AXDND1: variants seen among roughly 807,000 people sequenced by gnomAD.
The protein encoded by AXDND1 is axonemal dynein light chain domain-containing protein 1.
AXDND1 carries 110 observed loss-of-function variants against 137.5 expected under a neutral mutation model. The observed-to-expected ratio is 0.80, with a 90% CI of 0.69 to 0.94. The LOEUF (loss-of-function observed/expected upper bound fraction) is 0.94, where lower values mean the gene tolerates loss of function less well. Ranked by LOEUF, AXDND1 falls within the 40% of genes least tolerant of loss-of-function variation. The probability of loss-of-function intolerance (pLI) is 0.00; values close to 1 mark genes in which losing one functional copy is unlikely to be tolerated. For synonymous variants in AXDND1, 414 were observed against 399.7 expected (o/e 1.04, Z -0.43); for missense variants, 1,191 against 1,169.8 (o/e 1.02, Z -0.26).
intron 16 of AXDND1, chr1:179,449,413 T>C (rs1472030762): frequency 1.2e-5 from 2 of 168,496 alleles, no homozygotes; most frequent in Non-Finnish European, 2.6e-5. Context: ...ATTGTCTTGA[T>C]TACTCTTGCT....
intron 24 of AXDND1, 143 bp downstream of exon 24, chr1:179,534,020 G>T: frequency 3.1e-6 from 2 of 635,156 alleles, no homozygotes; most frequent in Non-Finnish European, 5.6e-6. Context: ...CACATGTTCT[G>T]CTAGAGGCAG....
At chr1:179,419,933 C>A (rs1305648983) in intron 12 of AXDND1, among the ~76,000 whole-genome samples, 1 of 152,012 alleles carries the variant, frequency 6.6e-6, no homozygotes, top group Non-Finnish European at 1.5e-5. Flanking sequence ...AATTTAGATG[C>A]CTTTTATTTC....
intron 16 of AXDND1, chr1:179,447,512 T>A: frequency 2.1e-6 from 1 of 483,860 alleles, no homozygotes; most frequent in East Asian, 2.9e-5. Flanking sequence ...ATTCTACAGT[T>A]GGCGCAGAAA....
At chr1:179,527,565 C>T (rs1336050117) in intron 22 of AXDND1, among the ~76,000 whole-genome samples, 1 of 152,094 alleles carries the variant, frequency 6.6e-6, no homozygotes, top group Non-Finnish European at 1.5e-5. Flanking sequence ...ATACTAATAG[C>T]CTGTCACAAG....
intron 16 of AXDND1, among the ~76,000 whole-genome samples, chr1:179,464,713 C>G (rs546137235): frequency 6.6e-6 from 1 of 152,280 alleles, no homozygotes; most frequent in East Asian, 1.9e-4. Flanking sequence ...AGAGTGTTTT[C>G]CAACTTGGTT....
chr1:179,509,450 A>G (rs757724603), intron 21 of AXDND1, 47 bp downstream of exon 21: 2 of 1,216,030 alleles, frequency 1.6e-6, no homozygotes, highest in African/African-American at 3.0e-5. Flanking sequence ...TTATTCCTGT[A>G]TTTCAGTACA....
chr1:179,383,687 A>G lies in AXDND1; in HGVS notation c.741+143A>G, dbSNP rs542099757. On this transcript the variant is annotated intron_variant, in intron 8 of 25. Coordinates refer to ENST00000367618, the MANE Select transcript of AXDND1 (RefSeq NM_144696.6). The stretch of plus-strand genomic sequence containing the variant: ...AATGTATTTGTACCTCAGTTTCCTC[A>G]TCTGAACTTTGGAGATAATAATATC... 4.8e-5 allele frequency: 29 copies of G among 608,958 alleles called. No homozygotes were observed. In the East Asian group the frequency reaches 6.9e-4, roughly 15 times the overall value. The allele number at this position is 608,958 out of a possible 1,614,324, so 37.7% of individuals were successfully genotyped here.
intron 23 of AXDND1, 47 bp from the exon 24 acceptor site, chr1:179,533,748 A>G: frequency 1.4e-6 from 2 of 1,415,814 alleles, no homozygotes; most frequent in East Asian, 2.3e-5. Flanking sequence ...TAGAATACTA[A>G]TTGTTGAGAC....
intron 12 of AXDND1, among the ~76,000 whole-genome samples, 173 bp from the exon 13 acceptor site, chr1:179,429,345 T>C (rs1657049119): frequency 6.6e-6 from 1 of 152,176 alleles, no homozygotes; most frequent in African/African-American, 2.4e-5. Context: ...TATACTTCAG[T>C]TTGGTTCCAG....
intron 22 of AXDND1, among the ~76,000 whole-genome samples, chr1:179,527,754 A>G (rs764762198): frequency 1.4e-4 from 22 of 152,246 alleles, no homozygotes; most frequent in Non-Finnish European, 2.5e-4. Flanking sequence ...CTCACCCTGA[A>G]TTTTATCCTG....
chr1:179,456,839 C>T, intron 16 of AXDND1: 2 of 808,350 alleles, frequency 2.5e-6, no homozygotes, highest in South Asian at 2.7e-5. Flanking sequence ...TCACAGTATG[C>T]TATTTCTGAA....
chr1:179,488,881 C>T lies in AXDND1; in HGVS notation c.2092-2657C>T, dbSNP rs1026742479. ...TCCCAAGTAGCTGGAATTACAGGCG[C>T]GTGCCACCACACCAGGCCAATTTTT... On this transcript the variant is annotated intron_variant, in intron 18 of 25. Coordinates refer to ENST00000367618, the MANE Select transcript of AXDND1 (RefSeq NM_144696.6). 3.2e-4 allele frequency among the ~76,000 whole-genome samples: 46 copies of T among 145,530 alleles called. 1 individual carries two copies. Among genetic ancestry groups the T allele is most frequent in the Middle Eastern group, 3.4e-3 (1 of 290 alleles).
At chr1:179,434,130 TTTG>T (rs1657790049) in intron 15 of AXDND1, among the ~76,000 whole-genome samples, 1 of 152,208 alleles carries the variant, frequency 6.6e-6, no homozygotes, top group Non-Finnish European at 1.5e-5. Flanking sequence ...TTTTTTGATC[TTTG>T]TTGGTTTAAG....
At position 179,446,170 on chromosome 1, in the gene AXDND1, A is replaced by G. The variant is rs1041837991; in HGVS notation, c.1798+966A>G. ...AAATGTCTGCTCAGGTACTTTGCCTATGTTTTTTTTCTAAGACAAAAATTG... is the reference window on the plus strand; with the variant it reads ...AAATGTCTGCTCAGGTACTTTGCCTGTGTTTTTTTTCTAAGACAAAAATTG... On this transcript the variant is annotated intron_variant, in intron 16 of 25. Transcript: ENST00000367618. 2.6e-5 allele frequency among the ~76,000 whole-genome samples: 4 copies of G among 152,266 alleles called. No individual in the cohort carries two copies. In the South Asian group the frequency reaches 6.2e-4, roughly 24 times the overall value.
At chr1:179,438,838 T>C (rs1658585516) in intron 15 of AXDND1, among the ~76,000 whole-genome samples, 1 of 152,236 alleles carries the variant, frequency 6.6e-6, no homozygotes, top group Non-Finnish European at 1.5e-5. Flanking sequence ...ACCATTGCTA[T>C]TATTGGATAA....
At chr1:179,532,641 G>A (rs986140963) in intron 23 of AXDND1, among the ~76,000 whole-genome samples, 3 of 152,150 alleles carry the variant, frequency 2.0e-5, no homozygotes, top group Non-Finnish European at 4.4e-5. Context: ...CTCAGCACTT[G>A]GGAGGCTGAG....
chr1:179,410,173 T>C (rs1014849303), intron 11 of AXDND1, among the ~76,000 whole-genome samples: 1 of 152,186 alleles, frequency 6.6e-6, no homozygotes, highest in African/African-American at 2.4e-5. Context: ...GCAAAGTCCT[T>C]GGGAGGAAGT....
At chr1:179,452,254 A>G (rs1660637959) in intron 16 of AXDND1, 1 of 153,374 alleles carries the variant, frequency 6.5e-6, no homozygotes, top group South Asian at 2.1e-4. Context: ...CTTGAGAGAG[A>G]TGATTTAGGG....
chr1:179,435,402 G>A (rs1417269629), intron 15 of AXDND1, among the ~76,000 whole-genome samples: 1 of 152,044 alleles, frequency 6.6e-6, no homozygotes, highest in Non-Finnish European at 1.5e-5. Context: ...CTAAGAAAAA[G>A]AACAAAGCTG....
Sources: allele counts gnomAD v4.1 joint callset (sites outside exome capture counted in the v4.1 genomes callset), GRCh38; gene constraint gnomAD v4.1.1; transcripts MANE v1.5; gene names NCBI Gene and HGNC (gene_info 2026-07-23, HGNC 2026-07-21).